Variants in JAKMIP2 observed in about 807,000 individuals in gnomAD.
The protein encoded by JAKMIP2 is janus kinase and microtubule interacting protein 2, also known as janus kinase and microtubule-interacting protein 2.
In JAKMIP2, 25 loss-of-function variants were observed where a neutral mutation model predicts 115.0. The observed-to-expected ratio is 0.22, with a 90% CI of 0.16 to 0.30. The LOEUF (loss-of-function observed/expected upper bound fraction) is 0.30. Ranked by LOEUF, JAKMIP2 falls within the 10% of genes least tolerant of loss-of-function variation. The pLI, the probability that JAKMIP2 is intolerant of heterozygous loss-of-function variation, is 1.00. For synonymous variants in JAKMIP2, 334 were observed against 343.6 expected (o/e 0.97, Z 0.31); for missense variants, 642 against 957.6 (o/e 0.67, Z 4.35).
At chr5:147,639,274 A>T (rs1440230298) in intron 10 of JAKMIP2, among the ~76,000 whole-genome samples, 1 of 152,234 alleles carries the variant, frequency 6.6e-6, no homozygotes, top group Admixed American at 6.5e-5. Context: ...ATTAACGAAG[A>T]GAAGACACTG....
At chr5:147,765,177 T>C (rs2127061084) in intron 1 of JAKMIP2, among the ~76,000 whole-genome samples, 1 of 152,000 alleles carries the variant, frequency 6.6e-6, no homozygotes, top group African/African-American at 2.4e-5. Context: ...GAATAAATAC[T>C]AATAGATGAA....
chr5:147,641,110 T>C (rs939741329), intron 8 of JAKMIP2, among the ~76,000 whole-genome samples: 2 of 152,188 alleles, frequency 1.3e-5, no homozygotes, highest in Non-Finnish European at 2.9e-5. Context: ...GCTAGTGTGG[T>C]TTACTCTTTC....
chr5:147,673,794 A>G lies in JAKMIP2; in HGVS notation c.-148-1840T>C, dbSNP rs75724841. The stretch of plus-strand genomic sequence containing the variant: ...GATAAATAAGATAGTACTTAAACTC[A>G]AGTAGGTAGTGAGTGAGTAAATTCA... On this transcript the variant is annotated intron_variant, in intron 1 of 21. Transcript: ENST00000616793. Among the ~76,000 whole-genome samples the G allele has an allele frequency of 7.3e-3, 1,108 of 151,886 alleles. 50 individuals carry two copies. The East Asian group carries it at 0.13, about 18-fold the overall frequency.
At chr5:147,644,219 G>A (rs757504761) in intron 6 of JAKMIP2, 21 bp from the exon 7 acceptor site, 2 of 1,532,476 alleles carry the variant, frequency 1.3e-6, no homozygotes, top group Non-Finnish European at 1.8e-6. Context: ...AAAGAAGAAA[G>A]TACAGGTGGA....
At chr5:147,624,026 G>A (rs1756984417) in intron 16 of JAKMIP2, among the ~76,000 whole-genome samples, 1 of 151,914 alleles carries the variant, frequency 6.6e-6, no homozygotes, top group Non-Finnish European at 1.5e-5. Flanking sequence ...GTAGAGACGG[G>A]GTTTCACCAT....
At chr5:147,777,637 C>A (rs1042867247) in intron 1 of JAKMIP2, among the ~76,000 whole-genome samples, 12 of 151,944 alleles carry the variant, frequency 7.9e-5, no homozygotes, top group African/African-American at 2.9e-4. Context: ...ATAAAAAAAA[C>A]TTTAAGCAAC....
intron 3 of JAKMIP2, among the ~76,000 whole-genome samples, chr5:147,658,847 T>A (rs994695465): frequency 8.6e-5 from 13 of 152,010 alleles, no homozygotes; most frequent in Non-Finnish European, 1.5e-4. Flanking sequence ...AACCACCAAC[T>A]AAAGCCACAG....
intron 1 of JAKMIP2, among the ~76,000 whole-genome samples, chr5:147,708,703 C>T (rs7731361): frequency 2.9e-3 from 440 of 152,124 alleles, no homozygotes; most frequent in Non-Finnish European, 4.8e-3. Context: ...CCTGAAAAGA[C>T]GGTAGTAAAT....
At chr5:147,655,191 G>T (rs899428791) in intron 3 of JAKMIP2, among the ~76,000 whole-genome samples, 2 of 152,096 alleles carry the variant, frequency 1.3e-5, no homozygotes, top group Non-Finnish European at 2.9e-5. Context: ...CCTAGGTTTT[G>T]GTATCAGGAT....
chr5:147,641,842 C>A, intron 7 of JAKMIP2, 78 bp from the exon 8 acceptor site: 1 of 1,216,670 alleles, frequency 8.2e-7, no homozygotes, highest in South Asian at 1.2e-5. Flanking sequence ...ACAGAGTGTT[C>A]TTTCCCATAA....
At position 147,694,064 on chromosome 5, in the gene JAKMIP2, A is replaced by G. The variant is rs2084175687; in HGVS notation, c.-148-22110T>C. Among the ~76,000 whole-genome samples, 3 of 152,112 alleles carry G rather than the reference A, an allele frequency of 2.0e-5. No individual in the cohort carries two copies. The South Asian group carries it at 6.2e-4, about 32-fold the overall frequency. On this transcript the variant is annotated intron_variant, in intron 1 of 21. Transcript: ENST00000616793. ...ATCAATTCCCACATCTCCTCTCCTAAGAGAGCCAATTAATATTTTTAAATT... is the reference window on the plus strand; with the variant it reads ...ATCAATTCCCACATCTCCTCTCCTAGGAGAGCCAATTAATATTTTTAAATT...
intron 1 of JAKMIP2, among the ~76,000 whole-genome samples, chr5:147,724,129 A>G (rs568865027): frequency 4.6e-5 from 7 of 152,336 alleles, no homozygotes; most frequent in Admixed American, 4.6e-4. Context: ...TTATTAATAA[A>G]TCTACATTTT....
chr5:147,676,945 A>G (rs375370371), intron 1 of JAKMIP2, among the ~76,000 whole-genome samples: 63 of 152,356 alleles, frequency 4.1e-4, no homozygotes, highest in African/African-American at 1.2e-3. Flanking sequence ...AGCTCTAGTG[A>G]TAAGAAGCTC....
Position 147,607,474 on chromosome 5 carries a change from G to A in JAKMIP2, c.2412+4832C>T, listed in dbSNP as rs987671776. Among the ~76,000 whole-genome samples the A allele has an allele frequency of 2.6e-5, 4 of 152,110 alleles. 1 individual carries two copies. Among genetic ancestry groups the A allele is most frequent in the Non-Finnish European group, 5.9e-5 (4 of 68,032 alleles). ...TGGTTCTGTTTATGTGATGGATTAC[G>A]TTTATTGATTTATGTATGTTGAACC... On this transcript the variant is annotated intron_variant, in intron 20 of 21. Transcript: ENST00000616793.
intron 1 of JAKMIP2, among the ~76,000 whole-genome samples, chr5:147,688,276 T>C (rs1165750878): frequency 6.6e-6 from 1 of 152,226 alleles, no homozygotes; most frequent in Non-Finnish European, 1.5e-5. Context: ...GGCTTTTCAC[T>C]TAGAAATCCC....
intron 1 of JAKMIP2, among the ~76,000 whole-genome samples, chr5:147,776,951 A>T (rs1268766293): frequency 1.3e-5 from 2 of 152,150 alleles, no homozygotes; most frequent in Non-Finnish European, 2.9e-5. Flanking sequence ...ATAATAAATT[A>T]AAAATTAAAA....
At chr5:147,701,372 G>C (rs1384198037) in intron 1 of JAKMIP2, among the ~76,000 whole-genome samples, 1 of 152,150 alleles carries the variant, frequency 6.6e-6, no homozygotes, top group East Asian at 1.9e-4. Context: ...ACTTGAAAAG[G>C]AAGGAAGGAA....
chr5:147,697,389 T>C (rs1449434867), intron 1 of JAKMIP2, among the ~76,000 whole-genome samples: 1 of 152,224 alleles, frequency 6.6e-6, no homozygotes, highest in Non-Finnish European at 1.5e-5. Context: ...CATGTGGGAA[T>C]TCTGGGAGAT....
chr5:147,679,008 T>A (rs1760122687), intron 1 of JAKMIP2, among the ~76,000 whole-genome samples: 1 of 151,376 alleles, frequency 6.6e-6, no homozygotes, highest in African/African-American at 2.4e-5. Flanking sequence ...TAGTATGGAG[T>A]CTCCCTCTGT....
Sources: allele counts gnomAD v4.1 joint callset (sites outside exome capture counted in the v4.1 genomes callset), GRCh38; gene constraint gnomAD v4.1.1; transcripts MANE v1.5; gene names NCBI Gene and HGNC (gene_info 2026-07-23, HGNC 2026-07-21).